FBXO45: variants seen among roughly 807,000 people sequenced by gnomAD.
The protein encoded by FBXO45 is F-box protein 45, also known as F-box/SPRY domain-containing protein 1.
In FBXO45, 3 loss-of-function variants were observed where a neutral mutation model predicts 25.5. That is an observed-to-expected ratio of 0.12 (90% confidence interval 0.05 to 0.30). The LOEUF (loss-of-function observed/expected upper bound fraction) is 0.30, where lower values mean the gene tolerates loss of function less well. Among genes scored for constraint, FBXO45 ranks in the 10% least tolerant of loss-of-function variants. FBXO45 has a pLI of 1.00. For synonymous variants in FBXO45, 155 were observed against 149.8 expected (o/e 1.03, Z -0.25); for missense variants, 219 against 365.0 (o/e 0.60, Z 3.26).
At chr3:196,577,402 T>C (rs969339087) in intron 1 of FBXO45, 51 bp from the exon 2 acceptor site, 21 of 1,344,494 alleles carry the variant, frequency 1.6e-5, no homozygotes, top group Non-Finnish European at 1.8e-5. Flanking sequence ...ATTTTTAATA[T>C]TTAAGAAAAA....
At chr3:196,580,087 G>A (rs1369239978) in intron 2 of FBXO45, among the ~76,000 whole-genome samples, 1 of 151,952 alleles carries the variant, frequency 6.6e-6, no homozygotes, top group Non-Finnish European at 1.5e-5. Context: ...CCACCTCCCA[G>A]GTTCAAGTGA....
At position 196,584,033 on chromosome 3, in the gene FBXO45, G is replaced by C; in HGVS notation, c.676-100G>C. The C allele has an allele frequency of 7.1e-6, 8 of 1,129,714 alleles. No individual in the cohort carries two copies. The highest frequency in any genetic ancestry group is 2.6e-5 in the Admixed American group (1 of 38,352). 70.0% of individuals were successfully genotyped at this position (1,129,714 alleles called of 1,614,324 possible). On this transcript the variant is annotated intron_variant, in intron 2 of 2. Coordinates refer to ENST00000311630, the MANE Select transcript of FBXO45 (RefSeq NM_001105573.2). The surrounding 1 kb of genome is among the most constrained non-coding windows in gnomAD (Gnocchi z 4.3). ...TCTGATTTTTCTAGATAGCTTTCAGGATAATATTCTTAATATTTTCAACTT... is the reference window on the plus strand; with the variant it reads ...TCTGATTTTTCTAGATAGCTTTCAGCATAATATTCTTAATATTTTCAACTT...
intron 1 of FBXO45, among the ~76,000 whole-genome samples, chr3:196,576,268 C>T (rs1313367870): frequency 6.6e-6 from 1 of 152,168 alleles, no homozygotes; most frequent in Non-Finnish European, 1.5e-5. Context: ...CTTTAAGGGT[C>T]TTCCTAAATG....
At chr3:196,570,977 T>A (rs1284536789) in intron 1 of FBXO45, among the ~76,000 whole-genome samples, 2 of 152,230 alleles carry the variant, frequency 1.3e-5, no homozygotes, top group Non-Finnish European at 2.9e-5. Flanking sequence ...CCCAAAGTGC[T>A]GGGATTACAG....
chr3:196,581,889 ACT>A (rs1488529418), intron 2 of FBXO45, among the ~76,000 whole-genome samples: 2 of 151,772 alleles, frequency 1.3e-5, no homozygotes, highest in South Asian at 2.1e-4. Context: ...CAAACTATAA[ACT>A]CTGTCTCATG....
intron 1 of FBXO45, among the ~76,000 whole-genome samples, chr3:196,576,156 C>G (rs1043825797): frequency 6.6e-6 from 1 of 152,158 alleles, no homozygotes; most frequent in East Asian, 1.9e-4. Flanking sequence ...AGAGTGCCAG[C>G]GAATGGTAAA....
rs376962503 is a variant in FBXO45 at position 196,577,812 on chromosome 3, G to A, written c.675+3G>A. On this transcript the variant is annotated splice_donor_region_variant and intron_variant, in intron 2 of 2. Coordinates refer to ENST00000311630, the MANE Select transcript of FBXO45 (RefSeq NM_001105573.2). The stretch of plus-strand genomic sequence containing the variant: ...GCAACAACGCACCAAAATATCAGGT[G>A]AGAAACTGGGGTTTTTCTCAAGTAT... The A allele has an allele frequency of 5.3e-5, 82 of 1,556,088 alleles. No individual in the cohort carries two copies. Among genetic ancestry groups the A allele is most frequent in the Middle Eastern group, 1.7e-4 (1 of 5,836 alleles).
intron 2 of FBXO45, among the ~76,000 whole-genome samples, chr3:196,580,339 G>T (rs1396202503): frequency 6.6e-6 from 1 of 152,080 alleles, no homozygotes; most frequent in Non-Finnish European, 1.5e-5. Context: ...AGCCTCTTGG[G>T]TAGCTGGGAT....
intron 1 of FBXO45, among the ~76,000 whole-genome samples, chr3:196,576,032 C>G (rs902784698): frequency 6.6e-6 from 1 of 152,120 alleles, no homozygotes; most frequent in African/African-American, 2.4e-5. Context: ...TTTTATAATA[C>G]GAGCAGATAG....
chr3:196,573,286 A>G (rs936261696), intron 1 of FBXO45, among the ~76,000 whole-genome samples: 10 of 152,162 alleles, frequency 6.6e-5, no homozygotes, highest in African/African-American at 2.4e-4. Flanking sequence ...AAAATAATAT[A>G]GTTAGATTGA....
At chr3:196,583,721 TAAAAAC>T (rs1736057018) in intron 2 of FBXO45, among the ~76,000 whole-genome samples, 4 of 152,080 alleles carry the variant, frequency 2.6e-5, no homozygotes, top group East Asian at 1.9e-4. Context: ...ATGTGAGTCT[TAAAAAC>T]AAAACTATCA....
chr3:196,584,037 A>C lies in FBXO45; in HGVS notation c.676-96A>C. Reference sequence around the variant, plus strand: ...ATTTTTCTAGATAGCTTTCAGGATAATATTCTTAATATTTTCAACTTCTTG... The same window carrying C: ...ATTTTTCTAGATAGCTTTCAGGATACTATTCTTAATATTTTCAACTTCTTG... On this transcript the variant is annotated intron_variant, in intron 2 of 2. Transcript: ENST00000311630. The surrounding 1 kb of genome is among the most constrained non-coding windows in gnomAD (Gnocchi z 4.3). The C allele has an allele frequency of 8.6e-7, 1 of 1,157,836 alleles. No homozygotes were observed. The allele number at this position is 1,157,836 out of a possible 1,614,324, so 71.7% of individuals were successfully genotyped here. A position where few individuals can be genotyped will look rare whatever the true frequency, so the allele number is the denominator to read the frequency against.
In FBXO45 at chr3:196,587,854, T is replaced by G. The variant is rs2108730882; in HGVS notation, c.*3536T>G. 1 of 152,310 alleles carries G rather than the reference T, an allele frequency of 6.6e-6. No homozygotes were observed. Among genetic ancestry groups the G allele is most frequent in the East Asian group, 1.9e-4 (1 of 5,188 alleles). The allele number at this position is 152,310 out of a possible 1,614,324, so 9.4% of individuals were successfully genotyped here. On this transcript the variant is annotated 3_prime_UTR_variant, in exon 3 of 3. Transcript: ENST00000311630. ...GCTGGAGTGCACGATCTTGACTCACTGCAACCTTTGCCACCCAGGTTCAAG... is the reference window on the plus strand; with the variant it reads ...GCTGGAGTGCACGATCTTGACTCACGGCAACCTTTGCCACCCAGGTTCAAG...
In FBXO45 at chr3:196,568,925, G is replaced by A. The variant is rs2108722559; in HGVS notation, c.-60G>A. On this transcript the variant is annotated 5_prime_UTR_variant, in exon 1 of 3. Coordinates refer to ENST00000311630, the MANE Select transcript of FBXO45 (RefSeq NM_001105573.2). The stretch of plus-strand genomic sequence containing the variant: ...GTCTCCGGGCGAGGCTTGGCCTTCC[G>A]AGCAGAGACGGCGGGAAGCGGCGGC... The A allele has an allele frequency of 1.0e-6, 1 of 985,376 alleles. No individual in the cohort carries two copies. Among genetic ancestry groups the A allele is most frequent in the Non-Finnish European group, 1.2e-6 (1 of 828,302 alleles). The allele number at this position is 985,376 out of a possible 1,614,324, so 61.0% of individuals were successfully genotyped here. A position where few individuals can be genotyped will look rare whatever the true frequency, so the allele number is the denominator to read the frequency against.
chr3:196,570,707 T>C (rs924137111), intron 1 of FBXO45, among the ~76,000 whole-genome samples: 56 of 139,854 alleles, frequency 4.0e-4, no homozygotes, highest in Non-Finnish European at 7.3e-4. Context: ...TCTCTTTTCT[T>C]TTTTCTTTTT....
chr3:196,572,594 A>G lies in FBXO45; in HGVS notation c.318+3292A>G, dbSNP rs573141698. Among the ~76,000 whole-genome samples the G allele has an allele frequency of 8.5e-4, 129 of 152,298 alleles. 1 individual carries two copies. The highest frequency in any genetic ancestry group is 3.0e-3 in the African/African-American group (126 of 41,558). ...AAAGGTGATGCTGGTTTGAGATAAG[A>G]TGGAAGAAGTGGACTGGGACCAAAG... is the stretch of plus-strand genomic sequence containing the variant. On this transcript the variant is annotated intron_variant, in intron 1 of 2. Coordinates refer to ENST00000311630, the MANE Select transcript of FBXO45 (RefSeq NM_001105573.2).
chr3:196,575,339 C>T (rs1421846215), intron 1 of FBXO45, among the ~76,000 whole-genome samples: 1 of 151,508 alleles, frequency 6.6e-6, no homozygotes, highest in Non-Finnish European at 1.5e-5. Flanking sequence ...GTCTGTAATC[C>T]CAGCTACTCG....
At position 196,586,104 on chromosome 3, in the gene FBXO45, T is replaced by G. The variant is rs1454158727; in HGVS notation, c.*1786T>G. ...ATTATATGTTAAATGTATTAGAGAA[T>G]GTAGGTGGTATAGAAATTGATTTTT... On this transcript the variant is annotated 3_prime_UTR_variant, in exon 3 of 3. Coordinates refer to ENST00000311630, the MANE Select transcript of FBXO45 (RefSeq NM_001105573.2). The G allele has an allele frequency of 2.6e-5, 4 of 152,226 alleles. No individual in the cohort carries two copies. Among genetic ancestry groups the G allele is most frequent in the African/African-American group, 7.2e-5 (3 of 41,460 alleles). The allele number at this position is 152,226 out of a possible 1,614,324, so 9.4% of individuals were successfully genotyped here. A position where few individuals can be genotyped will look rare whatever the true frequency, so the allele number is the denominator to read the frequency against.
At position 196,569,068 on chromosome 3, in the gene FBXO45, G is replaced by C. The variant is rs765658976; in HGVS notation, c.84G>C (p.Ser28=). 2 of 1,325,090 alleles carry C rather than the reference G, an allele frequency of 1.5e-6. No homozygotes were observed. The highest frequency in any genetic ancestry group is 5.3e-5 in the Admixed American group (2 of 37,944). 82.1% of individuals were successfully genotyped at this position (1,325,090 alleles called of 1,614,324 possible). Residue 28 remains serine (S), a synonymous_variant, in exon 1 of 3, where the codon TCG becomes TCC. Coordinates refer to ENST00000311630, the MANE Select transcript of FBXO45 (RefSeq NM_001105573.2). This position sits in a 1 kb window ranked among gnomAD's most constrained non-coding sequence, Gnocchi z 4.1. ...GCGGCGCGGGCGCGGGCGCGGGCTC[G>C]GGCTCTGGGGCCGCGGGGGCCGGGG... ...SGGGAGAGAG[S]GSGAAGAGGR... is the part of the protein sequence containing the mutation.
Sources: allele counts gnomAD v4.1 joint callset (sites outside exome capture counted in the v4.1 genomes callset), GRCh38; gene constraint gnomAD v4.1.1; non-coding constraint Gnocchi (gnomAD v3.1); transcripts MANE v1.5; gene names NCBI Gene and HGNC (gene_info 2026-07-23, HGNC 2026-07-21).